The following RPH3A variants were observed in gnomAD, a reference collection of about 807,000 sequenced individuals.
The protein encoded by RPH3A is rabphilin-3A.
Under a neutral mutation model 102.2 loss-of-function variants are expected in RPH3A, and 48 were observed. The observed-to-expected ratio is 0.47, with a 90% CI of 0.37 to 0.60. The LOEUF (loss-of-function observed/expected upper bound fraction) is 0.60. Among genes scored for constraint, RPH3A ranks in the 20% least tolerant of loss-of-function variants. The pLI is 0.00. For synonymous variants in RPH3A, 310 were observed against 324.3 expected (o/e 0.96, Z 0.47); for missense variants, 781 against 910.1 (o/e 0.86, Z 1.83).
At chr12:112,854,032 G>C (rs1038554676) in intron 5 of RPH3A, among the ~76,000 whole-genome samples, 15 of 152,160 alleles carry the variant, frequency 9.9e-5, no homozygotes, top group African/African-American at 3.4e-4. Context: ...AAGTTGGATG[G>C]GATAGTCTTC....
At chr12:112,666,169 A>T (rs2040082278) in intron 1 of RPH3A, among the ~76,000 whole-genome samples, 1 of 152,184 alleles carries the variant, frequency 6.6e-6, no homozygotes, top group Non-Finnish European at 1.5e-5. Flanking sequence ...TGCAGCCACA[A>T]TGTAGGTCAC....
chr12:112,629,770 T>C (rs556427316), intron 1 of RPH3A, among the ~76,000 whole-genome samples: 2 of 152,226 alleles, frequency 1.3e-5, no homozygotes, highest in South Asian at 4.1e-4. Context: ...TCAATAATAA[T>C]AATAATAAAA....
intron 2 of RPH3A, among the ~76,000 whole-genome samples, chr12:112,795,203 A>G (rs1233296998): frequency 6.6e-6 from 1 of 152,336 alleles, no homozygotes; most frequent in Non-Finnish European, 1.5e-5. Context: ...TGGCTTTCCA[A>G]TAAAAACCAC....
chr12:112,791,903 A>AGAGAGAGG lies in RPH3A; in HGVS notation c.-247_-246insGAGAGGGA, dbSNP rs1565882498. ...GAGAGAGAGAGAGAGAGAGAGAGAG[A>AGAGAGAGG]GACTCACAGAGCTAAAACCTTCATC... On this transcript the variant is annotated 5_prime_UTR_variant, in exon 1 of 22. Transcript: ENST00000389385. 3 of 150,206 alleles carry AGAGAGAGG rather than the reference A, an allele frequency of 2.0e-5. No homozygotes were observed. The highest frequency in any genetic ancestry group is 3.0e-5 in the Non-Finnish European group (2 of 67,194). 9.3% of individuals were successfully genotyped at this position (150,206 alleles called of 1,614,324 possible).
rs548706877 is a variant in RPH3A, at chr12:112,800,604, G to C, written c.-19+8341G>C. ...GTGCAGGAGGTGGGATGGAAGCCAG[G>C]GGACCAGTGAGGGGAGCTGTGATGG... On this transcript the variant is annotated intron_variant, in intron 2 of 21. Coordinates refer to ENST00000389385, the MANE Select transcript of RPH3A (RefSeq NM_001143854.2). Among the ~76,000 whole-genome samples, 46 of 152,282 alleles carry C rather than the reference G, an allele frequency of 3.0e-4. No homozygotes were observed. The South Asian group carries it at 9.3e-3, about 31-fold the overall frequency.
chr12:112,742,681 G>A (rs1404595346), intron 1 of RPH3A, among the ~76,000 whole-genome samples: 1 of 152,176 alleles, frequency 6.6e-6, no homozygotes, highest in Non-Finnish European at 1.5e-5. Context: ...TTATTGCTGG[G>A]TAAATGCTGC....
chr12:112,749,301 C>T (rs2040770056), intron 1 of RPH3A, among the ~76,000 whole-genome samples: 1 of 152,156 alleles, frequency 6.6e-6, no homozygotes, highest in Admixed American at 6.5e-5. Flanking sequence ...GGGATGTGGG[C>T]AGACAATGTA....
intron 4 of RPH3A, among the ~76,000 whole-genome samples, chr12:112,842,282 G>A (rs1311109190): frequency 6.6e-6 from 1 of 152,200 alleles, no homozygotes; most frequent in Non-Finnish European, 1.5e-5. Context: ...TTAATAATAA[G>A]AAAAAGAAAA....
intron 1 of RPH3A, among the ~76,000 whole-genome samples, chr12:112,774,063 C>CAAAAAAA (rs11375355): frequency 4.6e-5 from 5 of 108,412 alleles, no homozygotes; most frequent in Admixed American, 1.0e-4. Flanking sequence ...CCAGCCTGGG[C>CAAAAAAA]AAAAAAAAAA....
intron 1 of RPH3A, among the ~76,000 whole-genome samples, chr12:112,653,498 C>T (rs2039990911): frequency 6.6e-6 from 1 of 151,826 alleles, no homozygotes; most frequent in South Asian, 2.1e-4. Flanking sequence ...TGAGTGAATG[C>T]GAAGGCCTAG....
chr12:112,833,730 GTTT>G (rs71445581), intron 3 of RPH3A, among the ~76,000 whole-genome samples: 1 of 143,644 alleles, frequency 7.0e-6, no homozygotes, highest in African/African-American at 2.5e-5. Context: ...ATAATTTCAT[GTTT>G]TTTTTTTTTT....
chr12:112,691,013 C>T (rs1287554275), intron 1 of RPH3A, among the ~76,000 whole-genome samples: 1 of 151,920 alleles, frequency 6.6e-6, no homozygotes, highest in Non-Finnish European at 1.5e-5. Flanking sequence ...CGCCCCCGCA[C>T]TGAAATATCA....
At chr12:112,587,054 T>C (rs550768842) in intron 1 of RPH3A, among the ~76,000 whole-genome samples, 55 of 152,364 alleles carry the variant, frequency 3.6e-4, no homozygotes, top group African/African-American at 1.3e-3. Context: ...ATTCATTTTA[T>C]TGGGTTTTGA....
intron 15 of RPH3A, among the ~76,000 whole-genome samples, chr12:112,882,159 A>G (rs1473183345): frequency 6.6e-6 from 1 of 151,742 alleles, no homozygotes; most frequent in African/African-American, 2.4e-5. Context: ...CCCACTGCTG[A>G]CTCTGGCTCA....
At chr12:112,729,026 C>A (rs1245754995) in intron 1 of RPH3A, among the ~76,000 whole-genome samples, 1 of 152,026 alleles carries the variant, frequency 6.6e-6, no homozygotes, top group East Asian at 1.9e-4. Context: ...CTTGGGAACA[C>A]AAAAGTGTCA....
chr12:112,875,799 G>A, intron 12 of RPH3A, 58 bp downstream of exon 12: 3 of 1,504,816 alleles, frequency 2.0e-6, no homozygotes, highest in Admixed American at 1.7e-5. Flanking sequence ...CTACCTCCCT[G>A]AGAGAGAGCA....
chr12:112,757,956 A>C (rs980976090), intron 1 of RPH3A, among the ~76,000 whole-genome samples: 5 of 152,166 alleles, frequency 3.3e-5, no homozygotes, highest in Admixed American at 6.5e-5. Flanking sequence ...CTTAAAGACA[A>C]TGTTGCCACC....
chr12:112,675,025 C>T (rs1427687151), intron 1 of RPH3A, among the ~76,000 whole-genome samples: 1 of 152,190 alleles, frequency 6.6e-6, no homozygotes, highest in Non-Finnish European at 1.5e-5. Flanking sequence ...GTAGCAATCT[C>T]TCCCCGCTCC....
intron 1 of RPH3A, among the ~76,000 whole-genome samples, chr12:112,619,262 G>A (rs1490803204): frequency 6.7e-6 from 1 of 149,408 alleles, no homozygotes; most frequent in Non-Finnish European, 1.5e-5. Context: ...GTGTGTGTGT[G>A]TGTGTGTGTG....
Sources: gnomAD v4.1 joint callset for allele counts (sites outside exome capture counted in the v4.1 genomes callset) on GRCh38, gnomAD v4.1.1 for gene constraint, MANE v1.5 for transcripts, NCBI Gene and HGNC (gene_info 2026-07-23, HGNC 2026-07-21) for gene names.